EEF2K: variants seen among roughly 807,000 people sequenced by gnomAD.
EEF2K encodes the protein alternative protein EEF2K.
EEF2K carries 70 observed loss-of-function variants against 93.8 expected under a neutral mutation model. The ratio of observed to expected loss-of-function variants is 0.75; its 90% CI spans 0.62 to 0.91. The LOEUF is 0.91. EEF2K is among the 40% of genes least tolerant of loss of function. The pLI, the probability that EEF2K is intolerant of heterozygous loss-of-function variation, is 0.00. For synonymous variants in EEF2K, 376 were observed against 380.8 expected (o/e 0.99, Z 0.15); for missense variants, 935 against 972.9 (o/e 0.96, Z 0.52).
At position 22,250,691 on chromosome 16, in the gene EEF2K, C is replaced by G; in HGVS notation, c.446C>G (p.Thr149Arg). 6.2e-7 allele frequency: 1 copy of G among 1,614,166 alleles called. No homozygotes were observed. The highest frequency in any genetic ancestry group is 8.5e-7 in the Non-Finnish European group (1 of 1,180,032). Residue 149 changes from threonine (T) to arginine (R), a missense_variant and splice_region_variant, in exon 5 of 18, where the codon ACG (threonine) becomes AGG (arginine). Physicochemically the swap from Thr to Arg is moderately conservative, Grantham distance 71. Coordinates refer to ENST00000263026, the MANE Select transcript of EEF2K (RefSeq NM_013302.5). ...GGAGCAATGAGGGAGTGCTTCCGGA[C>G]GTAAGTGACTCAGCCTGGCTCTTGG... ...GRGAMRECFR[T>R]KKLSNFLHAQ...
chr16:22,243,503 C>T (rs1398850654), intron 2 of EEF2K, among the ~76,000 whole-genome samples: 4 of 151,766 alleles, frequency 2.6e-5, no homozygotes, highest in African/African-American at 7.3e-5. Flanking sequence ...CCACCTGCCT[C>T]GGCCTCCCAA....
Position 22,280,527 on chromosome 16 carries a change from T to C in EEF2K, c.2068+151T>C, listed in dbSNP as rs981816053. 5 of 973,940 alleles carry C rather than the reference T, an allele frequency of 5.1e-6. No homozygotes were observed. The African/African-American group carries it at 6.8e-5, about 13-fold the overall frequency. 60.3% of individuals were successfully genotyped at this position (973,940 alleles called of 1,614,324 possible). ...TATGGAGCTAGTATGAAGATGAACA[T>C]TGTTATTTTAATGGTTATATATTAC... is the stretch of plus-strand genomic sequence containing the variant. On this transcript the variant is annotated intron_variant, in intron 17 of 17. Transcript: ENST00000263026.
chr16:22,223,833 T>C (rs1289372835), intron 1 of EEF2K, among the ~76,000 whole-genome samples: 1 of 152,218 alleles, frequency 6.6e-6, no homozygotes. Flanking sequence ...AGAGAAATAC[T>C]GTAATCTGTA....
rs537853057 is a variant in EEF2K, at chr16:22,265,042, A to G, written c.1440+162A>G. The G allele has an allele frequency of 2.6e-5, 19 of 731,442 alleles. 1 individual carries two copies. In the Middle Eastern group the frequency reaches 3.5e-3, roughly 134 times the overall value. 45.3% of individuals were successfully genotyped at this position (731,442 alleles called of 1,614,324 possible). On this transcript the variant is annotated intron_variant, in intron 13 of 17. Coordinates refer to ENST00000263026, the MANE Select transcript of EEF2K (RefSeq NM_013302.5). ...GCAAATCTGGGCAAATGCTCTTTGA[A>G]CCTCTGCAGGGCAGGATGCTGGGGG...
intron 2 of EEF2K, among the ~76,000 whole-genome samples, chr16:22,234,830 G>A (rs1199509685): frequency 1.4e-5 from 2 of 148,100 alleles, no homozygotes; most frequent in Non-Finnish European, 3.0e-5. Flanking sequence ...TACAACATGT[G>A]GCCTTTTATG....
rs894630640 is a variant in EEF2K at position 22,284,606 on chromosome 16, A to C, written c.*610A>C. 1 of 144,628 alleles carries C rather than the reference A, an allele frequency of 6.9e-6. No individual in the cohort carries two copies. The highest frequency in any genetic ancestry group is 1.5e-5 in the Non-Finnish European group (1 of 65,766). The allele number at this position is 144,628 out of a possible 1,614,324, so 9.0% of individuals were successfully genotyped here. On this transcript the variant is annotated 3_prime_UTR_variant, in exon 18 of 18. Transcript: ENST00000263026. ...ATTTTGTGGTTCTATTTTCATTTTT[A>C]TTTCTTTTTTTTTTTTTGTCACGAG... is the stretch of plus-strand genomic sequence containing the variant.
rs989380515 is a variant in EEF2K at position 22,287,739 on chromosome 16, G to C, written c.*3743G>C. Reference sequence around the variant, plus strand: ...CAAACCCCAGTGTTCCTGAATATCTGTTCTCCCCCTGACCACTCTGGGAAT... The same window carrying C: ...CAAACCCCAGTGTTCCTGAATATCTCTTCTCCCCCTGACCACTCTGGGAAT... On this transcript the variant is annotated 3_prime_UTR_variant, in exon 18 of 18. Coordinates refer to ENST00000263026, the MANE Select transcript of EEF2K (RefSeq NM_013302.5). 6.6e-6 allele frequency: 1 copy of C among 152,166 alleles called. No individual in the cohort carries two copies. The highest frequency in any genetic ancestry group is 1.5e-5 in the Non-Finnish European group (1 of 68,030). 9.4% of individuals were successfully genotyped at this position (152,166 alleles called of 1,614,324 possible).
At chr16:22,230,704 T>C (rs2047106723) in intron 2 of EEF2K, among the ~76,000 whole-genome samples, 1 of 152,156 alleles carries the variant, frequency 6.6e-6, no homozygotes, top group East Asian at 1.9e-4. Flanking sequence ...AAAAAAATTT[T>C]TTGTAGATAT....
At chr16:22,250,291 A>C (rs1203908083) in intron 4 of EEF2K, among the ~76,000 whole-genome samples, 1 of 151,978 alleles carries the variant, frequency 6.6e-6, no homozygotes, top group Non-Finnish European at 1.5e-5. Context: ...CACCTGGTTG[A>C]TTTTTCCAGT....
intron 1 of EEF2K, among the ~76,000 whole-genome samples, chr16:22,221,167 A>G (rs918066774): frequency 6.6e-6 from 1 of 152,160 alleles, no homozygotes; most frequent in African/African-American, 2.4e-5. Flanking sequence ...AGAAAGAAAA[A>G]ACAGAGGACT....
At chr16:22,266,333 T>C (rs1158234488) in intron 13 of EEF2K, 57 bp from the exon 14 acceptor site, 1 of 1,566,144 alleles carries the variant, frequency 6.4e-7, no homozygotes, top group African/African-American at 1.4e-5. Flanking sequence ...TGCTGACAGC[T>C]GTGATGCTGC....
At chr16:22,225,587 T>C in intron 1 of EEF2K, 67 bp from the exon 2 acceptor site, 1 of 1,285,982 alleles carries the variant, frequency 7.8e-7, no homozygotes, top group African/African-American at 1.5e-5. Context: ...GCATTTGGGG[T>C]GAGGGTCGGG....
chr16:22,257,489 T>C, intron 8 of EEF2K, 104 bp downstream of exon 8: 3 of 1,550,330 alleles, frequency 1.9e-6, no homozygotes, highest in Non-Finnish European at 2.6e-6. Flanking sequence ...CTGTACGCGC[T>C]TTTTCAAGAT....
At chr16:22,228,350 G>A (rs901923157) in intron 2 of EEF2K, among the ~76,000 whole-genome samples, 5 of 151,950 alleles carry the variant, frequency 3.3e-5, no homozygotes, top group Non-Finnish European at 5.9e-5. Flanking sequence ...TGGGCTGGGC[G>A]CGACGGCTCA....
chr16:22,226,625 C>G (rs1173572466), intron 2 of EEF2K, among the ~76,000 whole-genome samples: 1 of 151,022 alleles, frequency 6.6e-6, no homozygotes, highest in Non-Finnish European at 1.5e-5. Context: ...AAGCAAGCCT[C>G]CCACCTCAGC....
At chr16:22,218,754 G>A (rs970459290) in intron 1 of EEF2K, among the ~76,000 whole-genome samples, 3 of 152,042 alleles carry the variant, frequency 2.0e-5, no homozygotes, top group African/African-American at 7.2e-5. Flanking sequence ...AAGAGGTGAA[G>A]TCACATAGCC....
chr16:22,235,336 A>G (rs1344986101), intron 2 of EEF2K, among the ~76,000 whole-genome samples: 1 of 145,068 alleles, frequency 6.9e-6, no homozygotes, highest in Non-Finnish European at 1.5e-5. Context: ...ATCATGCTAT[A>G]TATGTCTTCA....
At chr16:22,241,636 C>CAAAAAAAAAAA (rs71151666) in intron 2 of EEF2K, among the ~76,000 whole-genome samples, 1 of 49,182 alleles carries the variant, frequency 2.0e-5, no homozygotes, top group African/African-American at 8.7e-5. Context: ...GAGACTGTCT[C>CAAAAAAAAAAA]AAAAAAAAAA....
intron 15 of EEF2K, among the ~76,000 whole-genome samples, chr16:22,272,706 G>T (rs1417890232): frequency 6.6e-6 from 1 of 150,848 alleles, no homozygotes; most frequent in Non-Finnish European, 1.5e-5. Context: ...CTGTCACCCA[G>T]GTTGCAGTGC....
Sources: gnomAD v4.1 joint callset for allele counts (sites outside exome capture counted in the v4.1 genomes callset) on GRCh38, gnomAD v4.1.1 for gene constraint, MANE v1.5 for transcripts, NCBI Gene and HGNC (gene_info 2026-07-23, HGNC 2026-07-21) for gene names.